CCNH: variants seen among roughly 807,000 people sequenced by gnomAD.
CCNH encodes the protein cyclin-H.
In CCNH, 31 loss-of-function variants were observed where a neutral mutation model predicts 41.9. That is an observed-to-expected ratio of 0.74 (90% CI 0.56 to 1.00). CCNH has a LOEUF of 1.00. CCNH is among the 50% of genes least tolerant of loss of function. The probability of loss-of-function intolerance (pLI) is 0.00; values close to 1 mark genes in which losing one functional copy is unlikely to be tolerated. For synonymous variants in CCNH, 138 were observed against 136.1 expected (o/e 1.01, Z -0.10); for missense variants, 362 against 388.4 (o/e 0.93, Z 0.57).
intron 9 of CCNH, among the ~76,000 whole-genome samples, chr5:87,322,726 T>C (rs1298726850): frequency 6.6e-6 from 1 of 152,178 alleles, no homozygotes; most frequent in Non-Finnish European, 1.5e-5. Flanking sequence ...CAAGACAGAC[T>C]AACACAAAGG....
intron 2 of CCNH, 43 bp from the exon 3 acceptor site, chr5:87,409,406 T>A: frequency 9.0e-7 from 1 of 1,109,354 alleles, no homozygotes; most frequent in Non-Finnish European, 1.3e-6. Context: ...TAGTCACAAA[T>A]GTTAAATGTT....
intron 9 of CCNH, among the ~76,000 whole-genome samples, chr5:87,345,696 G>A (rs1007976904): frequency 1.3e-5 from 2 of 152,110 alleles, no homozygotes; most frequent in Non-Finnish European, 2.9e-5. Flanking sequence ...AGTAATAATT[G>A]TATGGATCAT....
downstream of CCNH, chr5:87,387,053 A>C: frequency 1.4e-6 from 1 of 689,722 alleles, no homozygotes; most frequent in Non-Finnish European, 2.5e-6. Context: ...CCTAAACAAA[A>C]AACATATTTT....
intron 9 of CCNH, chr5:87,349,184 A>C (rs752120477): frequency 3.1e-6 from 5 of 1,608,096 alleles, no homozygotes. Context: ...TTTGATAATT[A>C]GGGAAAAACT....
At chr5:87,406,804 T>C (rs1444380420) in intron 4 of CCNH, among the ~76,000 whole-genome samples, 2 of 152,144 alleles carry the variant, frequency 1.3e-5, no homozygotes, top group Non-Finnish European at 2.9e-5. Context: ...CGGTACCCTG[T>C]TATTGACTTA....
intron 9 of CCNH, among the ~76,000 whole-genome samples, chr5:87,360,961 G>A (rs1253248156): frequency 1.3e-5 from 2 of 152,178 alleles, no homozygotes; most frequent in Non-Finnish European, 2.9e-5. Flanking sequence ...TAAAAAGACA[G>A]CAAAGATGGC....
intron 1 of CCNH, among the ~76,000 whole-genome samples, chr5:87,411,664 G>A (rs1018905839): frequency 6.7e-6 from 1 of 149,634 alleles, no homozygotes; most frequent in Non-Finnish European, 1.5e-5. Context: ...TTAAAAAGTA[G>A]ACAGACTTTT....
intron 9 of CCNH, chr5:87,383,645 T>C (rs1016514340): frequency 8.3e-7 from 1 of 1,199,378 alleles, no homozygotes; most frequent in South Asian, 1.4e-5. Flanking sequence ...TTATATATAT[T>C]GTTTTAATGT....
At chr5:87,394,238 T>C (rs183435355), downstream of CCNH, 229 of 1,231,502 alleles carry the variant, frequency 1.9e-4, 2 homozygotes, top group African/African-American at 2.9e-3. Context: ...TTAGTCACGA[T>C]GGAATAAGAA....
chr5:87,351,140 CTGT>C (rs1410893500), intron 9 of CCNH, among the ~76,000 whole-genome samples: 4 of 151,024 alleles, frequency 2.6e-5, no homozygotes, highest in Non-Finnish European at 5.9e-5. Flanking sequence ...CATTTAGAAA[CTGT>C]TAAGACATAA....
chr5:87,388,980 G>GA (rs1264835459), downstream of CCNH, among the ~76,000 whole-genome samples: 1 of 151,896 alleles, frequency 6.6e-6, no homozygotes, highest in East Asian at 1.9e-4. Flanking sequence ...TCATGCTACG[G>GA]AAAAAAATGG....
downstream of CCNH, chr5:87,389,560 G>GT (rs761444096): frequency 1.2e-6 from 2 of 1,609,664 alleles, no homozygotes; most frequent in Admixed American, 3.3e-5. Flanking sequence ...TAACAATGAT[G>GT]TTTCAAAGAT....
chr5:87,363,447 G>A, intron 9 of CCNH: 1 of 1,612,250 alleles, frequency 6.2e-7, no homozygotes, highest in Non-Finnish European at 8.5e-7. Context: ...AAACCAAAAG[G>A]ATTAATAGAT....
chr5:87,391,888 G>C (rs1012444014), downstream of CCNH: 14 of 229,468 alleles, frequency 6.1e-5, no homozygotes, highest in Non-Finnish European at 1.1e-4. Flanking sequence ...CAAAGGTTAA[G>C]TTAAAATAAA....
intron 4 of CCNH, among the ~76,000 whole-genome samples, chr5:87,407,283 C>T (rs957462907): frequency 1.3e-5 from 2 of 152,052 alleles, no homozygotes; most frequent in African/African-American, 2.4e-5. Context: ...TGTCTAAAAC[C>T]TTTAGATTGT....
Position 87,401,714 on chromosome 5 carries a change from C to G in CCNH, c.748G>C (p.Asp250His), listed in dbSNP as rs753326332. ...CTCTTTTACTTACTTTTCATTATAT[C>G]TAGTAACTGTGACAGGCAAGTTCTG... ...ENRTCLSQLL[D>H]IMKSMRNLVK... is the part of the protein sequence containing the mutation. Residue 250 changes from aspartate to histidine, a missense_variant, in exon 6 of 9, where the codon GAT becomes CAT. Coordinates refer to ENST00000256897, the MANE Select transcript of CCNH (RefSeq NM_001239.4). 61 of 1,586,658 alleles carry G rather than the reference C, an allele frequency of 3.8e-5. No homozygotes were observed. Among genetic ancestry groups the G allele is most frequent in the Admixed American group, 2.1e-4 (12 of 56,646 alleles).
At chr5:87,391,224 A>G, downstream of CCNH, 1 of 435,710 alleles carries the variant, frequency 2.3e-6, no homozygotes. Flanking sequence ...CAGTTGCCAA[A>G]GTTTTGCTGT....
intron 9 of CCNH, chr5:87,369,938 T>C (rs199670894): frequency 2.0e-6 from 3 of 1,493,392 alleles, no homozygotes; most frequent in East Asian, 2.3e-5. Flanking sequence ...TATACTTTTA[T>C]GTTAGCCCAT....
At chr5:87,389,831 A>C (rs560999470), downstream of CCNH, among the ~76,000 whole-genome samples, 1 of 151,266 alleles carries the variant, frequency 6.6e-6, no homozygotes, top group East Asian at 1.9e-4. Flanking sequence ...TATTGATTTT[A>C]TTTTTTTTTC....
Sources: gnomAD v4.1 joint callset for allele counts (sites outside exome capture counted in the v4.1 genomes callset) on GRCh38, gnomAD v4.1.1 for gene constraint, MANE v1.5 for transcripts, NCBI Gene and HGNC (gene_info 2026-07-23, HGNC 2026-07-21) for gene names.